The following GREB1 variants were observed in gnomAD, a reference collection of about 807,000 sequenced individuals.
The protein encoded by GREB1 is growth regulating estrogen receptor binding 1, also known as protein GREB1.
In GREB1, 106 loss-of-function variants were observed where a neutral mutation model predicts 200.7. The observed-to-expected ratio is 0.53, with a 90% confidence interval of 0.45 to 0.62. The LOEUF (loss-of-function observed/expected upper bound fraction) is 0.62. Ranked by LOEUF, GREB1 falls within the 20% of genes least tolerant of loss-of-function variation. The pLI, the probability that GREB1 is intolerant of heterozygous loss-of-function variation, is 0.00. For synonymous variants in GREB1, 1,132 were observed against 1,092.4 expected (o/e 1.04, Z -0.72); for missense variants, 2,243 against 2,556.8 (o/e 0.88, Z 2.65).
At chr2:11,487,657 A>G (rs765756265) in intron 1 of GREB1, among the ~76,000 whole-genome samples, 1 of 150,904 alleles carries the variant, frequency 6.6e-6, no homozygotes, top group Non-Finnish European at 1.5e-5. Flanking sequence ...TATCTAAAAC[A>G]TGTGCAAAAA....
chr2:11,580,603 A>T lies in GREB1; in HGVS notation c.773-101A>T. 7.3e-7 allele frequency: 1 copy of T among 1,372,688 alleles called. No homozygotes were observed. The highest frequency in any genetic ancestry group is 1.0e-6 in the Non-Finnish European group (1 of 1,003,938). 85.0% of individuals were successfully genotyped at this position (1,372,688 alleles called of 1,614,324 possible). On this transcript the variant is annotated intron_variant, in intron 6 of 32. Coordinates refer to ENST00000381486, the MANE Select transcript of GREB1 (RefSeq NM_014668.4). The surrounding 1 kb of genome is among the most constrained non-coding windows in gnomAD (Gnocchi z 4.5). ...CTCCTGATGAGACTTGCTGGGGAAA[A>T]GCTAGTTTGTGAAACTGCAAGGAAA...
chr2:11,532,136 G>C (rs1318347750), upstream of GREB1, among the ~76,000 whole-genome samples: 1 of 152,118 alleles, frequency 6.6e-6, no homozygotes, highest in African/African-American at 2.4e-5. Flanking sequence ...ATTTATTCCT[G>C]AAGAGTTTAG....
chr2:11,631,828 A>C (rs1442935349), intron 26 of GREB1, 81 bp from the exon 27 acceptor site: 7 of 1,074,766 alleles, frequency 6.5e-6, no homozygotes, highest in Non-Finnish European at 8.6e-6. Flanking sequence ...TTTGACGGAA[A>C]ATACTGCAAA....
At chr2:11,571,474 C>T (rs1202108179) in intron 4 of GREB1, among the ~76,000 whole-genome samples, 5 of 152,200 alleles carry the variant, frequency 3.3e-5, no homozygotes, top group Admixed American at 6.5e-5. Flanking sequence ...GCAGGTTTGC[C>T]ATCTATAAAG....
At chr2:11,596,414 TGA>T (rs1169871316) in intron 13 of GREB1, among the ~76,000 whole-genome samples, 175 bp downstream of exon 13, 2 of 92,162 alleles carry the variant, frequency 2.2e-5, no homozygotes, top group East Asian at 7.2e-4. Context: ...GTGTGTACAG[TGA>T]GAGGTGGCAG....
intron 1 of GREB1, among the ~76,000 whole-genome samples, chr2:11,495,313 T>C (rs1672856560): frequency 6.6e-6 from 1 of 152,152 alleles, no homozygotes; most frequent in Non-Finnish European, 1.5e-5. Flanking sequence ...ATTCTACAGA[T>C]GTGTAAACTG....
chr2:11,505,961 C>T lies in GREB1; in HGVS notation c.-159+23580C>T, dbSNP rs527362084. Among the ~76,000 whole-genome samples the T allele has an allele frequency of 1.9e-4, 29 of 152,292 alleles. No individual in the cohort carries two copies. The South Asian group carries it at 6.0e-3, about 32-fold the overall frequency. On this transcript the variant is annotated intron_variant, in intron 1 of 2. Coordinates refer to the GREB1 transcript ENST00000628795. ...GAAAAAGGATAATGTTTAACATCGG[C>T]GAACTCTCAGTTGTGATGCAGGGTG...
At chr2:11,485,625 G>C (rs775296445) in intron 1 of GREB1, among the ~76,000 whole-genome samples, 6 of 152,156 alleles carry the variant, frequency 3.9e-5, no homozygotes, top group Non-Finnish European at 7.3e-5. Flanking sequence ...TTCAATAGGA[G>C]AGATTTTGAT....
chr2:11,614,372 C>T (rs955585683), intron 19 of GREB1, among the ~76,000 whole-genome samples: 1 of 152,050 alleles, frequency 6.6e-6, no homozygotes, highest in East Asian at 1.9e-4. Flanking sequence ...AGTGATCGGC[C>T]CGCCTTCGCC....
At chr2:11,613,687 T>C (rs1273979925) in intron 19 of GREB1, among the ~76,000 whole-genome samples, 1 of 152,232 alleles carries the variant, frequency 6.6e-6, no homozygotes, top group Non-Finnish European at 1.5e-5. Flanking sequence ...CCTTAAGGAC[T>C]GAGACAATGT....
At chr2:11,605,308 C>T (rs1239518497) in intron 17 of GREB1, among the ~76,000 whole-genome samples, 3 of 151,672 alleles carry the variant, frequency 2.0e-5, no homozygotes, top group Non-Finnish European at 4.4e-5. Context: ...TCACTGCAAC[C>T]TCTGCCTCCC....
chr2:11,530,957 G>T (rs1674052573), upstream of GREB1, among the ~76,000 whole-genome samples: 1 of 152,108 alleles, frequency 6.6e-6, no homozygotes, highest in African/African-American at 2.4e-5. Context: ...GCTCTCTCTG[G>T]CCAGAGAAGC....
intron 24 of GREB1, among the ~76,000 whole-genome samples, 182 bp from the exon 25 acceptor site, chr2:11,626,780 C>T (rs1176680672): frequency 6.6e-6 from 1 of 152,130 alleles, no homozygotes; most frequent in African/African-American, 2.4e-5. Flanking sequence ...CTTTGTGGCC[C>T]TTCGTTGTCT....
At chr2:11,508,037 T>C (rs577832856) in intron 1 of GREB1, among the ~76,000 whole-genome samples, 1 of 152,346 alleles carries the variant, frequency 6.6e-6, no homozygotes, top group East Asian at 1.9e-4. Flanking sequence ...ACTAGATATA[T>C]TGTTTTCAGA....
rs781068341 is a variant in GREB1, at chr2:11,615,282, G to A, written c.3314G>A (p.Gly1105Glu). 2 of 1,584,880 alleles carry A rather than the reference G, an allele frequency of 1.3e-6. No homozygotes were observed. The highest frequency in any genetic ancestry group is 1.7e-6 in the Non-Finnish European group (2 of 1,164,480). ...SSTDNEDEEL[G>E]TEGSTSEKRS... ...ACAGACAACGAGGATGAGGAGCTGG[G>A]GACAGAAGGTGAGGGATGGCTGCCC... The change falls in exon 20 of 33, where the codon GGG (glycine) becomes GAG (glutamate). Residue 1105 changes from glycine (G) to glutamate (E), a missense_variant. Around this residue, in one of 3 missense-constraint regions of GREB1, gnomAD observed 587 missense variants for 553.1 expected, o/e 1.06. Transcript: ENST00000381486.
At chr2:11,603,785 A>G (rs1356939935) in intron 17 of GREB1, among the ~76,000 whole-genome samples, 3 of 152,248 alleles carry the variant, frequency 2.0e-5, no homozygotes, top group African/African-American at 7.2e-5. Context: ...TTCTCCTCAG[A>G]CAGTGAGCAC....
At chr2:11,514,316 A>C (rs1272249989) in intron 1 of GREB1, among the ~76,000 whole-genome samples, 1 of 136,474 alleles carries the variant, frequency 7.3e-6, no homozygotes, top group Non-Finnish European at 1.6e-5. Context: ...AAAAAGTGAG[A>C]GTCAGAGAAA....
In GREB1 at chr2:11,595,251, G is replaced by A; in HGVS notation, c.1697G>A (p.Gly566Glu). The stretch of plus-strand genomic sequence containing the variant: ...ACTGTGAAATCTGTTTGCTTTCCAG[G>A]AAAATACCAAGCCCGGATTCTTTCC... ...AAIDSCIAVT[G>E]KYQARILSES... Residue 566 changes from glycine (G) to glutamate (E), a missense_variant and splice_region_variant, in exon 12 of 33, where the codon GGA becomes GAA. Around this residue, in one of 3 missense-constraint regions of GREB1, gnomAD observed 1,178 missense variants for 1,387.4 expected, o/e 0.85. Transcript: ENST00000381486. 3 of 1,612,144 alleles carry A rather than the reference G, an allele frequency of 1.9e-6. No individual in the cohort carries two copies. Among genetic ancestry groups the A allele is most frequent in the Non-Finnish European group, 2.5e-6 (3 of 1,178,900 alleles).
intron 28 of GREB1, 21 bp from the exon 29 acceptor site, chr2:11,634,110 C>T: frequency 6.2e-7 from 1 of 1,604,318 alleles, no homozygotes; most frequent in Non-Finnish European, 8.5e-7. Context: ...CCTAGGGACT[C>T]ACTCTCCCTC....
Sources: gnomAD v4.1 joint callset for allele counts (sites outside exome capture counted in the v4.1 genomes callset) on GRCh38, gnomAD v4.1.1 for gene constraint, gnomAD v4.1.1 regional missense constraint, Gnocchi (gnomAD v3.1) non-coding constraint, MANE v1.5 for transcripts, NCBI Gene and HGNC (gene_info 2026-07-23, HGNC 2026-07-21) for gene names.